Variants in ERBB4 observed in about 807,000 individuals in gnomAD.
ERBB4 encodes the protein erb-b2 receptor tyrosine kinase 4, also known as receptor tyrosine-protein kinase erbB-4.
Under a neutral mutation model 158.0 loss-of-function variants are expected in ERBB4, and 42 were observed. The observed-to-expected ratio is 0.27, with a 90% CI of 0.21 to 0.34. ERBB4 has a LOEUF of 0.34. Ranked by LOEUF, ERBB4 falls within the 10% of genes least tolerant of loss-of-function variation. The pLI is 1.00. For synonymous variants in ERBB4, 583 were observed against 558.7 expected, an observed-to-expected ratio of 1.04 and a Z score of -0.61; for missense variants, 1,333 against 1,624.1, an observed-to-expected ratio of 0.82 and a Z score of 3.08.
intron 20 of ERBB4, among the ~76,000 whole-genome samples, chr2:211,483,702 CCAT>C (rs1444724470): frequency 6.6e-6 from 1 of 152,048 alleles, no homozygotes; most frequent in African/African-American, 2.4e-5. Flanking sequence ...CAGGTGTCCA[CCAT>C]CATACTTGGC....
At position 211,519,996 on chromosome 2, in the gene ERBB4, T is replaced by G. The variant is rs564058323; in HGVS notation, c.2487+41907A>C. Among the ~76,000 whole-genome samples the G allele has an allele frequency of 4.6e-5, 7 of 152,288 alleles. No homozygotes were observed. The East Asian group carries it at 1.4e-3, about 29-fold the overall frequency. ...ATCTATCAGTGATACCTCTTCCATGTGAGGAGGGGAAGCCTTTAATATACT... is the reference window on the plus strand; with the variant it reads ...ATCTATCAGTGATACCTCTTCCATGGGAGGAGGGGAAGCCTTTAATATACT... On this transcript the variant is annotated intron_variant, in intron 20 of 27. Transcript: ENST00000342788.
At chr2:212,071,226 A>G (rs1260643384) in intron 2 of ERBB4, among the ~76,000 whole-genome samples, 1 of 152,068 alleles carries the variant, frequency 6.6e-6, no homozygotes, top group Non-Finnish European at 1.5e-5. Context: ...TTTAACAAAC[A>G]TCTATCTGAT....
Position 211,383,618 on chromosome 2 carries a change from C to T in ERBB4, c.3924G>A (p.Val1308=), listed in dbSNP as rs766758455. 4.3e-6 allele frequency: 7 copies of T among 1,612,488 alleles called. No homozygotes were observed. Among genetic ancestry groups the T allele is most frequent in the Non-Finnish European group, 5.9e-6 (7 of 1,179,654 alleles). ...ACCTAAAAAACCACAACTGAGCTTA[C>T]ACCACAGTATTCCGGTGTCTGTAAG... The part of the protein sequence containing the change: ...PPPYRHRNTV[V] Residue 1308 remains valine, a synonymous_variant, in exon 28 of 28, where the codon GTG becomes GTA. Coordinates refer to ENST00000342788, the MANE Select transcript of ERBB4 (RefSeq NM_005235.3).
intron 1 of ERBB4, among the ~76,000 whole-genome samples, chr2:212,530,920 G>A (rs1318034270): frequency 1.3e-5 from 2 of 152,078 alleles, no homozygotes; most frequent in Admixed American, 6.5e-5. Flanking sequence ...AACTATGTTC[G>A]AAATGAAATA....
At chr2:211,941,416 T>G (rs572406609) in intron 3 of ERBB4, among the ~76,000 whole-genome samples, 3 of 152,228 alleles carry the variant, frequency 2.0e-5, no homozygotes, top group African/African-American at 7.2e-5. Context: ...ACAGGGTAGT[T>G]GAAGAATGCT....
At chr2:211,941,401 C>T (rs1348282344) in intron 3 of ERBB4, among the ~76,000 whole-genome samples, 1 of 152,000 alleles carries the variant, frequency 6.6e-6, no homozygotes, top group East Asian at 1.9e-4. Context: ...TTACCAAGAC[C>T]TTTCACAGGG....
intron 1 of ERBB4, among the ~76,000 whole-genome samples, chr2:212,385,948 A>G (rs1465886601): frequency 6.6e-6 from 1 of 151,828 alleles, no homozygotes; most frequent in African/African-American, 2.4e-5. Flanking sequence ...ATTTCTTTTT[A>G]TAAAAGTAGC....
At chr2:211,780,408 T>G (rs2106298882) in intron 4 of ERBB4, among the ~76,000 whole-genome samples, 1 of 152,218 alleles carries the variant, frequency 6.6e-6, no homozygotes, top group South Asian at 2.1e-4. Flanking sequence ...AGATGTATAT[T>G]GAAAACTGTA....
At chr2:211,826,342 T>G (rs1035071744) in intron 3 of ERBB4, among the ~76,000 whole-genome samples, 1 of 151,812 alleles carries the variant, frequency 6.6e-6, no homozygotes, top group African/African-American at 2.4e-5. Context: ...CATATATTGG[T>G]CCTGTCTTTA....
intron 1 of ERBB4, among the ~76,000 whole-genome samples, chr2:212,333,944 A>G (rs1246858644): frequency 1.3e-5 from 2 of 152,072 alleles, no homozygotes; most frequent in Non-Finnish European, 2.9e-5. Flanking sequence ...TGTCACTGCT[A>G]TGTACCTTAA....
At chr2:212,168,832 T>C (rs1173317790) in intron 1 of ERBB4, among the ~76,000 whole-genome samples, 1 of 152,178 alleles carries the variant, frequency 6.6e-6, no homozygotes, top group Non-Finnish European at 1.5e-5. Context: ...ACAGAATCTT[T>C]GTAAAGAATG....
At chr2:212,460,631 T>C (rs528015110) in intron 1 of ERBB4, among the ~76,000 whole-genome samples, 3 of 152,274 alleles carry the variant, frequency 2.0e-5, no homozygotes, top group African/African-American at 7.2e-5. Flanking sequence ...TGGAAGACAT[T>C]TCTAAGCAGC....
chr2:212,176,252 C>T (rs990978780), intron 1 of ERBB4, among the ~76,000 whole-genome samples: 1 of 151,804 alleles, frequency 6.6e-6, no homozygotes, highest in African/African-American at 2.4e-5. Context: ...TTTATGTCCT[C>T]CCCACCCCAA....
chr2:212,208,925 T>C (rs908490614), intron 1 of ERBB4, among the ~76,000 whole-genome samples: 3 of 152,130 alleles, frequency 2.0e-5, no homozygotes, highest in African/African-American at 7.2e-5. Flanking sequence ...AAGGAAACTA[T>C]TCAGAGTTTC....
intron 1 of ERBB4, among the ~76,000 whole-genome samples, chr2:212,187,421 T>TTAATA (rs143489475): frequency 6.8e-6 from 1 of 146,702 alleles, no homozygotes; most frequent in Non-Finnish European, 1.5e-5. Flanking sequence ...TAAAGTATAA[T>TTAATA]AATAAATAAA....
In ERBB4 at chr2:211,724,344, CTTTCTT is replaced by C. The variant is rs1559460183; in HGVS notation, c.741+726_741+731del. ...TTTGCTCATTGCTGGAATTAAGTGT[CTTTCTT>C]TTTTTTTTTTTAAAAAAAGCTCAAT... On this transcript the variant is annotated intron_variant, in intron 6 of 27. Transcript: ENST00000342788. Among the ~76,000 whole-genome samples, 89 of 145,384 alleles carry C rather than the reference CTTTCTT, an allele frequency of 6.1e-4. 1 individual carries two copies. The highest frequency in any genetic ancestry group is 1.1e-3 in the Non-Finnish European group (70 of 65,436).
intron 4 of ERBB4, among the ~76,000 whole-genome samples, chr2:211,783,904 C>T (rs956439980): frequency 2.0e-5 from 3 of 152,066 alleles, no homozygotes; most frequent in Admixed American, 1.3e-4. Context: ...AGGGAGGATT[C>T]CCTCTTTTTC....
chr2:212,124,585 T>A (rs1455332193), intron 2 of ERBB4, 167 bp downstream of exon 2: 12 of 705,432 alleles, frequency 1.7e-5, no homozygotes, highest in Non-Finnish European at 2.7e-5. Context: ...TTTGTTACTC[T>A]TGTTCTTTTC....
chr2:212,371,784 A>G (rs996210962), intron 1 of ERBB4, among the ~76,000 whole-genome samples: 21 of 152,292 alleles, frequency 1.4e-4, no homozygotes, highest in Middle Eastern at 3.4e-3. Context: ...CCAAACCATG[A>G]AAAGTCTTAC....
Sources: gnomAD v4.1 joint callset for allele counts (sites outside exome capture counted in the v4.1 genomes callset) on GRCh38, gnomAD v4.1.1 for gene constraint, MANE v1.5 for transcripts, NCBI Gene and HGNC (gene_info 2026-07-23, HGNC 2026-07-21) for gene names.